PDE4B: variants seen among roughly 807,000 people sequenced by gnomAD.
The protein encoded by PDE4B is 3',5'-cyclic-AMP phosphodiesterase 4B.
Under a neutral mutation model 82.2 loss-of-function variants are expected in PDE4B, and 20 were observed. That is an observed-to-expected ratio of 0.24 (90% CI 0.17 to 0.35). The LOEUF (loss-of-function observed/expected upper bound fraction) is 0.35, where lower values mean the gene tolerates loss of function less well. Among genes scored for constraint, PDE4B ranks in the 10% least tolerant of loss-of-function variants. The pLI, the probability that PDE4B is intolerant of heterozygous loss-of-function variation, is 1.00. For synonymous variants in PDE4B, 320 were observed against 318.9 expected (o/e 1.00, Z -0.04); for missense variants, 655 against 907.2 (o/e 0.72, Z 3.57).
chr1:65,794,766 T>G (rs1046253910), intron 1 of PDE4B, among the ~76,000 whole-genome samples: 4 of 152,342 alleles, frequency 2.6e-5, no homozygotes, highest in Admixed American at 2.0e-4. Context: ...GTAAGATTGT[T>G]AAATGGACTG....
intron 3 of PDE4B, among the ~76,000 whole-genome samples, chr1:66,122,434 G>C (rs1010711810): frequency 3.3e-5 from 5 of 152,002 alleles, no homozygotes; most frequent in Non-Finnish European, 7.4e-5. Flanking sequence ...GATATATTTT[G>C]ATATTAAAAA....
At chr1:66,265,276 T>C (rs1026999240) in intron 6 of PDE4B, among the ~76,000 whole-genome samples, 1 of 152,190 alleles carries the variant, frequency 6.6e-6, no homozygotes. Context: ...TGAGAAGTTT[T>C]CCAGCAGTGC....
intron 3 of PDE4B, among the ~76,000 whole-genome samples, chr1:65,993,365 A>G (rs1651356225): frequency 6.6e-6 from 1 of 152,224 alleles, no homozygotes. Flanking sequence ...TTTTAACTGT[A>G]GAGTCTTTAA....
chr1:65,828,525 G>C (rs893816917), intron 1 of PDE4B, among the ~76,000 whole-genome samples: 11 of 151,982 alleles, frequency 7.2e-5, no homozygotes, highest in African/African-American at 2.7e-4. Flanking sequence ...GGATTACAGG[G>C]GTGAGCCACT....
At chr1:66,258,276 CT>C (rs1654405951) in intron 6 of PDE4B, among the ~76,000 whole-genome samples, 1 of 152,092 alleles carries the variant, frequency 6.6e-6, no homozygotes, top group South Asian at 2.1e-4. Context: ...TTCAATTTGC[CT>C]AATTTTTGAT....
chr1:65,914,085 T>C (rs12757124), intron 2 of PDE4B, among the ~76,000 whole-genome samples: 26,127 of 152,148 alleles, frequency 0.17, 2,875 homozygotes, highest in South Asian at 0.24. Context: ...CAATTACTGT[T>C]TGTAATTGAA....
Position 66,147,284 on chromosome 1 carries a change from T to C in PDE4B, c.282-100176T>C, listed in dbSNP as rs182782960. Among the ~76,000 whole-genome samples, 17 of 152,338 alleles carry C rather than the reference T, an allele frequency of 1.1e-4. No homozygotes were observed. The East Asian group carries it at 2.9e-3, about 26-fold the overall frequency. ...ATTTCCTAAGTTAATTCTTAATAAA[T>C]ATTCGTTATCATATTTGGCCCACCT... On this transcript the variant is annotated intron_variant, in intron 3 of 16. Transcript: ENST00000341517.
In PDE4B at chr1:66,096,508, T is replaced by TCATATATATATATATATATATATATA. The variant is rs59931848; in HGVS notation, c.282-150952_282-150951insCATATATATATATATATATATATATA. On this transcript the variant is annotated intron_variant, in intron 3 of 16. Coordinates refer to ENST00000341517, the MANE Select transcript of PDE4B (RefSeq NM_002600.4). ...TTAAATGCGGTATAAGTAAAAAAAATTATATATATATATATATATATATAT... is the reference window on the plus strand; with the variant it reads ...TTAAATGCGGTATAAGTAAAAAAAATCATATATATATATATATATATATATATATATATATATATATATATATATAT... 2.8e-5 allele frequency among the ~76,000 whole-genome samples: 3 copies of TCATATATATATATATATATATATATA among 107,318 alleles called. 1 individual carries two copies. Among genetic ancestry groups the TCATATATATATATATATATATATATA allele is most frequent in the Non-Finnish European group, 5.5e-5 (3 of 54,056 alleles). 70.4% of individuals were successfully genotyped at this position (107,318 alleles called of 152,430 possible).
At chr1:66,071,693 T>C (rs1228271648) in intron 3 of PDE4B, among the ~76,000 whole-genome samples, 2 of 152,076 alleles carry the variant, frequency 1.3e-5, no homozygotes, top group Non-Finnish European at 2.9e-5. Context: ...AAGAGGAGCA[T>C]GTAGACCTCC....
At chr1:66,204,708 T>C (rs923725746) in intron 3 of PDE4B, among the ~76,000 whole-genome samples, 2 of 152,230 alleles carry the variant, frequency 1.3e-5, no homozygotes. Context: ...AGCGCAGAAT[T>C]AGGGTGGGAG....
At chr1:66,327,361 G>A (rs1309512303) in intron 7 of PDE4B, among the ~76,000 whole-genome samples, 1 of 152,216 alleles carries the variant, frequency 6.6e-6, no homozygotes, top group African/African-American at 2.4e-5. Flanking sequence ...ACATATGTAT[G>A]TTTACACAGA....
At chr1:66,341,603 T>C (rs1025113402) in intron 8 of PDE4B, among the ~76,000 whole-genome samples, 91 of 152,258 alleles carry the variant, frequency 6.0e-4, no homozygotes, top group African/African-American at 2.2e-3. Context: ...TGTTGTTTGC[T>C]TTCTCACTCA....
rs138192943 is a variant in PDE4B, at chr1:66,083,012, A to G, written c.281+164177A>G. Among the ~76,000 whole-genome samples the G allele has an allele frequency of 1.6e-4, 25 of 152,044 alleles. No individual in the cohort carries two copies. The East Asian group carries it at 4.7e-3, about 28-fold the overall frequency. On this transcript the variant is annotated intron_variant, in intron 3 of 16. Coordinates refer to ENST00000341517, the MANE Select transcript of PDE4B (RefSeq NM_002600.4). Reference sequence around the variant, plus strand: ...CAAAATCCTCTCCAAAGAAAGAAATATTTTCTTCAAAGTATTTCAAAGTCT... The same window carrying G: ...CAAAATCCTCTCCAAAGAAAGAAATGTTTTCTTCAAAGTATTTCAAAGTCT...
At chr1:66,009,945 CTATCTATCATCT>C (rs1300367826) in intron 3 of PDE4B, among the ~76,000 whole-genome samples, 4 of 146,802 alleles carry the variant, frequency 2.7e-5, no homozygotes, top group South Asian at 2.1e-4. Context: ...ATCTATCTAT[CTATCTATCATCT>C]ATCTATCTAA....
chr1:66,107,525 A>C (rs1488977836), intron 3 of PDE4B, among the ~76,000 whole-genome samples: 7 of 151,930 alleles, frequency 4.6e-5, no homozygotes, highest in African/African-American at 7.2e-5. Context: ...ACAAACAAAA[A>C]AAAAAACCTG....
chr1:66,240,898 G>T (rs1261547882), intron 3 of PDE4B, among the ~76,000 whole-genome samples: 1 of 152,202 alleles, frequency 6.6e-6, no homozygotes, highest in Non-Finnish European at 1.5e-5. Context: ...GATACAGGGA[G>T]CCCCTGTTTC....
chr1:66,330,317 C>A (rs1329086646), intron 7 of PDE4B, among the ~76,000 whole-genome samples: 1 of 152,208 alleles, frequency 6.6e-6, no homozygotes, highest in Non-Finnish European at 1.5e-5. Flanking sequence ...TACCTGAGTG[C>A]TTGTTCCATG....
chr1:66,298,864 T>C (rs1358280590), intron 7 of PDE4B, among the ~76,000 whole-genome samples: 2 of 152,104 alleles, frequency 1.3e-5, no homozygotes, highest in Non-Finnish European at 2.9e-5. Flanking sequence ...CTGAAAACAT[T>C]TAGTGAAGTA....
chr1:66,006,880 T>C (rs1292701130), intron 3 of PDE4B, among the ~76,000 whole-genome samples: 1 of 152,146 alleles, frequency 6.6e-6, no homozygotes, highest in East Asian at 1.9e-4. Flanking sequence ...ATTAAACCTC[T>C]TTCCTTTATA....
Sources: gnomAD v4.1 joint callset for allele counts (sites outside exome capture counted in the v4.1 genomes callset) on GRCh38, gnomAD v4.1.1 for gene constraint, MANE v1.5 for transcripts, NCBI Gene and HGNC (gene_info 2026-07-23, HGNC 2026-07-21) for gene names.